KCNQ1: variants seen among roughly 807,000 people sequenced by gnomAD.
KCNQ1 encodes the protein potassium voltage-gated channel subfamily Q member 1.
In KCNQ1, 49 loss-of-function variants were observed where a neutral mutation model predicts 72.4. The ratio of observed to expected loss-of-function variants is 0.68; its 90% CI spans 0.54 to 0.86. The LOEUF (loss-of-function observed/expected upper bound fraction) is 0.86, where lower values mean the gene tolerates loss of function less well. Among genes scored for constraint, KCNQ1 ranks in the 40% least tolerant of loss-of-function variants. The probability of loss-of-function intolerance (pLI) is 0.00; values close to 1 mark genes in which losing one functional copy is unlikely to be tolerated. For missense variants in KCNQ1, 790 were observed against 945.1 expected, an observed-to-expected ratio of 0.84 and a Z score of 2.15; for synonymous variants, 450 against 412.6, an observed-to-expected ratio of 1.09 and a Z score of -1.10.
intron 15 of KCNQ1, among the ~76,000 whole-genome samples, chr11:2,843,238 C>T (rs1848250504): frequency 6.6e-6 from 1 of 152,260 alleles, no homozygotes; most frequent in Admixed American, 6.5e-5. Context: ...CTGCCACGAA[C>T]CGCGACCTTA....
intron 15 of KCNQ1, among the ~76,000 whole-genome samples, chr11:2,792,109 C>A (rs1430453409): frequency 6.6e-6 from 1 of 152,210 alleles, no homozygotes; most frequent in Admixed American, 6.5e-5. Flanking sequence ...TCCATTCATG[C>A]CTTCCCGGGT....
At chr11:2,517,339 A>C (rs1847304457) in intron 1 of KCNQ1, among the ~76,000 whole-genome samples, 2 of 152,068 alleles carry the variant, frequency 1.3e-5, no homozygotes, top group African/African-American at 4.8e-5. Flanking sequence ...CCAGGTGGGA[A>C]GCTCCTGGGA....
At chr11:2,489,637 G>T (rs1382248451) in intron 1 of KCNQ1, among the ~76,000 whole-genome samples, 2 of 152,194 alleles carry the variant, frequency 1.3e-5, no homozygotes, top group Non-Finnish European at 2.9e-5. Flanking sequence ...TTAAAGAGAG[G>T]AGATGGAGCA....
chr11:2,840,325 T>G (rs536553992), intron 15 of KCNQ1: 4 of 152,678 alleles, frequency 2.6e-5, no homozygotes, highest in African/African-American at 9.6e-5. Flanking sequence ...CACGTAGAAG[T>G]GCACCCACAC....
Position 2,611,357 on chromosome 11 carries a change from C to A in KCNQ1, c.1393+22503C>A. 2.5e-6 allele frequency: 1 copy of A among 397,302 alleles called. No homozygotes were observed. The highest frequency in any genetic ancestry group is 4.4e-6 in the Non-Finnish European group (1 of 225,836). 24.6% of individuals were successfully genotyped at this position (397,302 alleles called of 1,614,324 possible). Reference sequence around the variant, plus strand: ...GCCTCAGCATCCCAAGTAGCTGGGACTACAGGCATTTGCCACCATACCCAG... The same window carrying A: ...GCCTCAGCATCCCAAGTAGCTGGGAATACAGGCATTTGCCACCATACCCAG... On this transcript the variant is annotated intron_variant, in intron 10 of 15. Transcript: ENST00000155840. This position sits in a 1 kb window ranked among gnomAD's most constrained non-coding sequence, Gnocchi z 5.3.
In KCNQ1 at chr11:2,647,516, G is replaced by A. The variant is rs980553504; in HGVS notation, c.1394-14445G>A. 5.0e-6 allele frequency: 2 copies of A among 398,432 alleles called. No homozygotes were observed. Among genetic ancestry groups the A allele is most frequent in the African/African-American group, 4.1e-5 (2 of 48,618 alleles). 24.7% of individuals were successfully genotyped at this position (398,432 alleles called of 1,614,324 possible). On this transcript the variant is annotated intron_variant, in intron 10 of 15. Coordinates refer to ENST00000155840, the MANE Select transcript of KCNQ1 (RefSeq NM_000218.3). This position sits in a 1 kb window ranked among gnomAD's most constrained non-coding sequence, Gnocchi z 4.0. ...GTATCAAGATACTGCTTGCCTCACA[G>A]AATGAGTTAGGGAGAATTCCTTTCT... is the stretch of plus-strand genomic sequence containing the variant.
In KCNQ1 at chr11:2,458,738, T is replaced by G. The variant is rs1846232168; in HGVS notation, c.386+13254T>G. 6.6e-6 allele frequency among the ~76,000 whole-genome samples: 1 copy of G among 152,080 alleles called. No individual in the cohort carries two copies. The highest frequency in any genetic ancestry group is 1.5e-5 in the Non-Finnish European group (1 of 68,020). ...CTAAGTACAAGTTTACTGGAAATACTCGGGCCAGAGGAACGCGCTAAATGA... is the reference window on the plus strand; with the variant it reads ...CTAAGTACAAGTTTACTGGAAATACGCGGGCCAGAGGAACGCGCTAAATGA... On this transcript the variant is annotated intron_variant, in intron 1 of 15. Coordinates refer to ENST00000155840, the MANE Select transcript of KCNQ1 (RefSeq NM_000218.3). This position sits in a 1 kb window ranked among gnomAD's most constrained non-coding sequence, Gnocchi z 4.6.
At chr11:2,751,679 C>T (rs1034710960) in intron 11 of KCNQ1, among the ~76,000 whole-genome samples, 3 of 152,248 alleles carry the variant, frequency 2.0e-5, no homozygotes, top group Non-Finnish European at 2.9e-5. Flanking sequence ...CCTCGGTGAG[C>T]GTAGCGTTAC....
intron 9 of KCNQ1, 74 bp downstream of exon 9, chr11:2,587,766 A>G (rs1340531227): frequency 1.2e-6 from 2 of 1,601,278 alleles, no homozygotes; most frequent in Non-Finnish European, 1.7e-6. Context: ...CCGCAGCACG[A>G]GGCTGGGATC....
intron 12 of KCNQ1, among the ~76,000 whole-genome samples, chr11:2,774,149 CA>C (rs1244007837): frequency 1.3e-5 from 2 of 152,240 alleles, no homozygotes; most frequent in African/African-American, 4.8e-5. Flanking sequence ...CAGGGCTCAG[CA>C]TTTTATCTTA....
intron 11 of KCNQ1, chr11:2,667,461 A>T (rs1051865476): frequency 2.5e-6 from 1 of 398,466 alleles, no homozygotes; most frequent in African/African-American, 2.1e-5. Flanking sequence ...AGCCAAGCAG[A>T]TGGTGTTGGA....
rs1846545756 is a variant in KCNQ1 at position 2,769,015 on chromosome 11, G to A, written c.1590+96G>A. 2 of 1,095,964 alleles carry A rather than the reference G, an allele frequency of 1.8e-6. No homozygotes were observed. The highest frequency in any genetic ancestry group is 2.4e-5 in the East Asian group (1 of 40,964). The allele number at this position is 1,095,964 out of a possible 1,614,324, so 67.9% of individuals were successfully genotyped here. ...CCTGGGTTCTCTCCTGCCCATAGTG[G>A]AGGGTGTCAAGGCCTCCGCCCCCAA... On this transcript the variant is annotated intron_variant, in intron 12 of 15. Transcript: ENST00000155840. This position sits in a 1 kb window ranked among gnomAD's most constrained non-coding sequence, Gnocchi z 4.6.
chr11:2,640,195 G>C (rs1374503655), intron 10 of KCNQ1: 1 of 391,250 alleles, frequency 2.6e-6, no homozygotes, highest in Non-Finnish European at 4.5e-6. Flanking sequence ...CTCACACTCA[G>C]TGGGCTGCAC....
intron 2 of KCNQ1, among the ~76,000 whole-genome samples, chr11:2,551,561 A>G (rs12789109): frequency 6.6e-6 from 1 of 152,260 alleles, no homozygotes; most frequent in Non-Finnish European, 1.5e-5. Context: ...TGCCATGAAT[A>G]TTGCGTGCAG....
chr11:2,644,949 C>T (rs1590001764), intron 10 of KCNQ1: 2 of 398,434 alleles, frequency 5.0e-6, no homozygotes, highest in Admixed American at 4.4e-5. Context: ...AGTGGCTGGC[C>T]CCGAATGCTT....
chr11:2,733,814 A>ACACACACACACTCTCTCACTCTCTCT lies in KCNQ1; in HGVS notation c.1515-35029_1515-35028insACACACACACTCTCTCACTCTCTCTC. On this transcript the variant is annotated intron_variant, in intron 11 of 15. Coordinates refer to ENST00000155840, the MANE Select transcript of KCNQ1 (RefSeq NM_000218.3). ...CACACACACACACACACACACACAC[A>ACACACACACACTCTCTCACTCTCTCT]CTCTCTCACTCTCTCTCTCTCTCTC... Among the ~76,000 whole-genome samples, 13 of 86,646 alleles carry ACACACACACACTCTCTCACTCTCTCT rather than the reference A, an allele frequency of 1.5e-4. No individual in the cohort carries two copies. In the East Asian group the frequency reaches 1.9e-3, roughly 13 times the overall value. 56.8% of individuals were successfully genotyped at this position (86,646 alleles called of 152,430 possible).
chr11:2,628,210 A>G (rs1849291373), intron 10 of KCNQ1: 4 of 398,626 alleles, frequency 1.0e-5, no homozygotes, highest in South Asian at 1.3e-4. Context: ...AAGAAAATCT[A>G]TCGTGTTTTC....
Position 2,664,573 on chromosome 11 carries a change from C to A in KCNQ1, c.1514+2492C>A. ...GTGGGGGCCGTGCAGGTCTTCTGCC[C>A]GCATTGGGGCTGCATTCCTCCACCT... On this transcript the variant is annotated intron_variant, in intron 11 of 15. Transcript: ENST00000155840. This position sits in a 1 kb window ranked among gnomAD's most constrained non-coding sequence, Gnocchi z 5.1. The A allele has an allele frequency of 2.5e-6, 1 of 398,632 alleles. No homozygotes were observed. The highest frequency in any genetic ancestry group is 4.4e-6 in the Non-Finnish European group (1 of 226,104). 24.7% of individuals were successfully genotyped at this position (398,632 alleles called of 1,614,324 possible). A position where few individuals can be genotyped will look rare whatever the true frequency, so the allele number is the denominator to read the frequency against.
intron 11 of KCNQ1, chr11:2,684,794 C>A: frequency 2.5e-6 from 1 of 398,648 alleles, no homozygotes; most frequent in South Asian, 1.3e-4. Context: ...CCCCACTGGT[C>A]TGGGCACATT....
Sources: gnomAD v4.1 joint callset for allele counts (sites outside exome capture counted in the v4.1 genomes callset) on GRCh38, gnomAD v4.1.1 for gene constraint, Gnocchi (gnomAD v3.1) non-coding constraint, MANE v1.5 for transcripts, NCBI Gene and HGNC (gene_info 2026-07-23, HGNC 2026-07-21) for gene names.